DCT: variants seen among roughly 807,000 people sequenced by gnomAD.
DCT encodes the protein L-dopachrome tautomerase.
A neutral mutation model predicts 53.0 loss-of-function variants in DCT; 47 were observed. That is an observed-to-expected ratio of 0.89 (90% CI 0.70 to 1.13). DCT has a LOEUF of 1.13. Ranked by LOEUF, DCT falls within the 50% of genes most tolerant of loss-of-function variation. The pLI is 0.00. For missense variants in DCT, 669 were observed against 637.4 expected (o/e 1.05, Z -0.53); for synonymous variants, 244 against 237.0 (o/e 1.03, Z -0.27).
intron 6 of DCT, among the ~76,000 whole-genome samples, chr13:94,454,541 CTTAGGAA>C (rs1309881311): frequency 6.6e-6 from 1 of 152,082 alleles, no homozygotes; most frequent in African/African-American, 2.4e-5. Flanking sequence ...CCTCAATTAC[CTTAGGAA>C]TTACTAGAGA....
chr13:94,547,984 A>ATATATATATATAT, the DCT span, among the ~76,000 whole-genome samples: 5 of 65,822 alleles, frequency 7.6e-5, no homozygotes, highest in African/African-American at 5.1e-4. Context: ...AAAAAAAAAA[A>ATATATATATATAT]ATATATATAT....
At chr13:94,502,875 A>G in the DCT span, among the ~76,000 whole-genome samples, 178 of 152,038 alleles carry the variant, frequency 1.2e-3, no homozygotes, top group African/African-American at 4.1e-3. Flanking sequence ...TGAGCCTGCC[A>G]CCCCAGGTCC....
At chr13:94,482,743 C>T (rs530241700), upstream of DCT, among the ~76,000 whole-genome samples, 39 of 152,298 alleles carry the variant, frequency 2.6e-4, 1 homozygote, top group South Asian at 1.7e-3. Context: ...TGGCTTTATA[C>T]AAATTAAATG....
At chr13:94,476,454 A>G (rs1477628141) in intron 1 of DCT, among the ~76,000 whole-genome samples, 1 of 150,028 alleles carries the variant, frequency 6.7e-6, no homozygotes, top group Non-Finnish European at 1.5e-5. Context: ...AACTTTTTGA[A>G]AGTGTTGGCA....
the DCT span, among the ~76,000 whole-genome samples, chr13:94,518,382 G>C: frequency 9.2e-5 from 14 of 152,214 alleles, no homozygotes; most frequent in East Asian, 3.9e-4. Flanking sequence ...AGTCACAGAG[G>C]CACTTTAAAT....
chr13:94,476,180 CTTTTTTTTTT>C (rs529819051), intron 1 of DCT, among the ~76,000 whole-genome samples: 9 of 72,734 alleles, frequency 1.2e-4, no homozygotes, highest in African/African-American at 4.4e-4. Flanking sequence ...GGGGGAGCCT[CTTTTTTTTTT>C]TTTTTTTTTT....
intron 1 of DCT, 62 bp from the exon 2 acceptor site, chr13:94,469,107 G>A: frequency 7.3e-7 from 1 of 1,377,224 alleles, no homozygotes; most frequent in Non-Finnish European, 1.0e-6. Context: ...AGAAATTTCT[G>A]AATTTGTACT....
chr13:94,531,242 T>TC, the DCT span, among the ~76,000 whole-genome samples: 6 of 152,210 alleles, frequency 3.9e-5, no homozygotes, highest in Admixed American at 2.6e-4. Context: ...TTCAATGCTA[T>TC]CCCCATCAAG....
chr13:94,541,514 A>G, the DCT span, among the ~76,000 whole-genome samples: 7 of 145,574 alleles, frequency 4.8e-5, no homozygotes, highest in East Asian at 4.1e-4. Context: ...CAAAAAAAAA[A>G]GAAAAAAAAA....
the DCT span, among the ~76,000 whole-genome samples, chr13:94,521,281 C>G: frequency 6.6e-6 from 1 of 152,220 alleles, no homozygotes. Context: ...CCTGGCACTT[C>G]ATGAGTGCTT....
intron 1 of DCT, 112 bp from the exon 2 acceptor site, chr13:94,469,157 A>G (rs533796154): frequency 3.5e-6 from 3 of 847,504 alleles, no homozygotes; most frequent in Admixed American, 4.9e-5. Flanking sequence ...GTGCTTACAC[A>G]AAGGCAAAGA....
At chr13:94,474,691 C>T (rs1259107783) in intron 1 of DCT, among the ~76,000 whole-genome samples, 1 of 152,148 alleles carries the variant, frequency 6.6e-6, no homozygotes, top group Non-Finnish European at 1.5e-5. Flanking sequence ...TCAAAGTCTC[C>T]TGCAATTCAG....
intron 6 of DCT, among the ~76,000 whole-genome samples, chr13:94,452,852 A>G (rs945993473): frequency 1.3e-5 from 2 of 152,180 alleles, no homozygotes; most frequent in Non-Finnish European, 2.9e-5. Flanking sequence ...AGAGGGGTCT[A>G]TAATATGCTA....
the DCT span, among the ~76,000 whole-genome samples, chr13:94,494,463 T>G: frequency 6.6e-6 from 1 of 152,164 alleles, no homozygotes; most frequent in Admixed American, 6.5e-5. Flanking sequence ...GCCTAATTGG[T>G]ATTATTTGCT....
chr13:94,490,214 A>G, the DCT span, among the ~76,000 whole-genome samples: 16 of 152,266 alleles, frequency 1.1e-4, no homozygotes, highest in African/African-American at 3.6e-4. Context: ...TCAAAAACCA[A>G]CTAACCAAAG....
the DCT span, among the ~76,000 whole-genome samples, chr13:94,518,189 A>G: frequency 6.7e-6 from 1 of 149,272 alleles, no homozygotes; most frequent in African/African-American, 2.6e-5. Context: ...AAGAAAGTCC[A>G]ACCATTGGCC....
At chr13:94,451,891 C>T (rs111658302) in intron 6 of DCT, among the ~76,000 whole-genome samples, 9 of 151,642 alleles carry the variant, frequency 5.9e-5, no homozygotes, top group African/African-American at 9.7e-5. Context: ...ATTACTTTCC[C>T]TAATTCTGAC....
chr13:94,440,656 T>C (rs1034710838), intron 7 of DCT, among the ~76,000 whole-genome samples: 1 of 150,892 alleles, frequency 6.6e-6, no homozygotes, highest in Non-Finnish European at 1.5e-5. Flanking sequence ...TTCCACAAAA[T>C]TAGTGGATTT....
chr13:94,461,709 C>T (rs1883799162), intron 5 of DCT, among the ~76,000 whole-genome samples: 1 of 152,138 alleles, frequency 6.6e-6, no homozygotes, highest in Non-Finnish European at 1.5e-5. Flanking sequence ...TGAAAAAACA[C>T]TATATTTAAT....
Sources: gnomAD v4.1 joint callset for allele counts (sites outside exome capture counted in the v4.1 genomes callset) on GRCh38, gnomAD v4.1.1 for gene constraint, MANE v1.5 for transcripts, NCBI Gene and HGNC (gene_info 2026-07-23, HGNC 2026-07-21) for gene names.